Variants in MYPN observed in about 807,000 individuals in gnomAD.
MYPN encodes sarcomeric protein myopalladin, 145 kDa (MYOP).
In MYPN, 63 loss-of-function variants were observed where a neutral mutation model predicts 129.4. The observed-to-expected ratio is 0.49, with a 90% CI of 0.40 to 0.60. MYPN has a LOEUF of 0.60. Ranked by LOEUF, MYPN falls within the 20% of genes least tolerant of loss-of-function variation. The pLI, the probability that MYPN is intolerant of heterozygous loss-of-function variation, is 0.00. For missense variants in MYPN, 1,596 were observed against 1,635.4 expected (o/e 0.98, Z 0.42); for synonymous variants, 629 against 600.9 (o/e 1.05, Z -0.68).
chr10:68,121,355 C>T (rs1329560075), intron 1 of MYPN, 83 bp from the exon 2 acceptor site: 13 of 1,154,542 alleles, frequency 1.1e-5, no homozygotes, highest in East Asian at 2.4e-5. Context: ...TAATTTCTAA[C>T]GAGTCTGCAG....
At chr10:68,104,847 G>T (rs557902707), upstream of MYPN, among the ~76,000 whole-genome samples, 98 of 152,162 alleles carry the variant, frequency 6.4e-4, 1 homozygote, top group Middle Eastern at 3.4e-3. Context: ...GTAGGGGCGT[G>T]ATCTTGGCTC....
chr10:68,210,105 T>C (rs2043883948), intron 19 of MYPN, among the ~76,000 whole-genome samples, 181 bp from the exon 20 acceptor site: 1 of 152,214 alleles, frequency 6.6e-6, no homozygotes, highest in Non-Finnish European at 1.5e-5. Context: ...GTTTCCTTAT[T>C]CCTGGCAGGG....
At chr10:68,097,001 G>T (rs1201134145) in intron 1 of MYPN, among the ~76,000 whole-genome samples, 2 of 152,104 alleles carry the variant, frequency 1.3e-5, no homozygotes, top group African/African-American at 4.8e-5. Context: ...TACTTATTTG[G>T]CTAAAGAAGG....
chr10:68,199,293 A>G, intron 16 of MYPN, 75 bp from the exon 17 acceptor site: 2 of 1,429,292 alleles, frequency 1.4e-6, no homozygotes, highest in Non-Finnish European at 2.0e-6. Flanking sequence ...GTGCCAAGCA[A>G]GGATAAAGAA....
intron 6 of MYPN, among the ~76,000 whole-genome samples, chr10:68,152,410 G>A (rs1166284519): frequency 6.6e-6 from 1 of 152,000 alleles, no homozygotes; most frequent in Admixed American, 6.6e-5. Flanking sequence ...AGGGGAGGGT[G>A]CAGAGCGGGT....
At chr10:68,124,786 C>T (rs1336556714) in intron 2 of MYPN, among the ~76,000 whole-genome samples, 4 of 152,060 alleles carry the variant, frequency 2.6e-5, no homozygotes, top group South Asian at 2.1e-4. Flanking sequence ...GAAGTGAGAC[C>T]GTTGGCCTAA....
chr10:68,110,275 G>C (rs536784512), intron 1 of MYPN, among the ~76,000 whole-genome samples: 7 of 150,506 alleles, frequency 4.7e-5, no homozygotes, highest in African/African-American at 1.7e-4. Context: ...CTCTCTCTCC[G>C]TCTCTTTCTC....
At chr10:68,175,100 C>A (rs1222604578) in intron 11 of MYPN, among the ~76,000 whole-genome samples, 1 of 151,846 alleles carries the variant, frequency 6.6e-6, no homozygotes, top group Non-Finnish European at 1.5e-5. Flanking sequence ...CACACCACTG[C>A]ACTCCAGCCT....
rs1315524754 is a variant in MYPN, at chr10:68,211,754, GAA to G, written c.*1300_*1301del. 1 of 453,946 alleles carries G rather than the reference GAA, an allele frequency of 2.2e-6. No individual in the cohort carries two copies. The highest frequency in any genetic ancestry group is 2.0e-5 in the African/African-American group (1 of 49,964). The allele number at this position is 453,946 out of a possible 1,614,324, so 28.1% of individuals were successfully genotyped here. A position where few individuals can be genotyped will look rare whatever the true frequency, so the allele number is the denominator to read the frequency against. Reference sequence around the variant, plus strand: ...GATAACCTAATCTTATATTCTGCAGGAATATGCCACCCACACACCAGTCCAAA... The same window carrying G: ...GATAACCTAATCTTATATTCTGCAGGTATGCCACCCACACACCAGTCCAAA... On this transcript the variant is annotated 3_prime_UTR_variant, in exon 20 of 20. Coordinates refer to ENST00000358913, the MANE Select transcript of MYPN (RefSeq NM_032578.4).
intron 12 of MYPN, among the ~76,000 whole-genome samples, chr10:68,188,629 T>C (rs2043459834): frequency 6.6e-6 from 1 of 152,172 alleles, no homozygotes; most frequent in Non-Finnish European, 1.5e-5. Context: ...GAAAATTATA[T>C]TCCATCTACA....
At chr10:68,136,287 T>G (rs1374879907) in intron 2 of MYPN, 1 of 990,516 alleles carries the variant, frequency 1.0e-6, no homozygotes, top group Non-Finnish European at 1.2e-6. Context: ...TTTAACCATC[T>G]GGACCTGCCC....
At chr10:68,173,544 G>A (rs921191794) in intron 10 of MYPN, among the ~76,000 whole-genome samples, 1 of 151,860 alleles carries the variant, frequency 6.6e-6, no homozygotes, top group African/African-American at 2.4e-5. Flanking sequence ...TTGCCACTCT[G>A]GTTGTGTGTT....
chr10:68,174,780 A>G (rs1381494799), intron 11 of MYPN, 124 bp downstream of exon 11: 1 of 845,778 alleles, frequency 1.2e-6, no homozygotes, highest in Non-Finnish European at 1.9e-6. Context: ...TCTCTTAGGC[A>G]CAGAATGGAT....
chr10:68,130,857 A>AT (rs553869120), intron 2 of MYPN, among the ~76,000 whole-genome samples: 133 of 152,346 alleles, frequency 8.7e-4, no homozygotes, highest in African/African-American at 2.4e-3. Flanking sequence ...TGGATAGCCA[A>AT]TATTCTAGCA....
At chr10:68,180,708 C>T (rs1399734360) in intron 12 of MYPN, among the ~76,000 whole-genome samples, 1 of 152,164 alleles carries the variant, frequency 6.6e-6, no homozygotes, top group Non-Finnish European at 1.5e-5. Flanking sequence ...AGAAAGCCCG[C>T]GGTGAGCTCA....
chr10:68,182,856 C>T (rs187037380), intron 12 of MYPN, among the ~76,000 whole-genome samples: 148 of 152,170 alleles, frequency 9.7e-4, no homozygotes, highest in Non-Finnish European at 1.9e-3. Flanking sequence ...TTTTCATGAC[C>T]TCTCAACTTG....
chr10:68,182,406 C>CAT lies in MYPN; in HGVS notation c.2704-6491_2704-6490dup, dbSNP rs1324691351. ...ACACATATATAACATATATATAACA[C>CAT]ATATATATAACATATATATAACACA... On this transcript the variant is annotated intron_variant, in intron 12 of 19. Coordinates refer to ENST00000358913, the MANE Select transcript of MYPN (RefSeq NM_032578.4). Among the ~76,000 whole-genome samples, 61 of 82,730 alleles carry CAT rather than the reference C, an allele frequency of 7.4e-4. 2 individuals are homozygous for CAT. The highest frequency in any genetic ancestry group is 1.3e-3 in the African/African-American group (38 of 28,814). 54.3% of individuals were successfully genotyped at this position (82,730 alleles called of 152,430 possible).
chr10:68,199,723 A>G (rs2043678761), intron 17 of MYPN, 148 bp downstream of exon 17: 1 of 800,968 alleles, frequency 1.2e-6, no homozygotes, highest in Non-Finnish European at 2.1e-6. Flanking sequence ...GGTATTTCCC[A>G]CATCACTTTC....
At chr10:68,103,164 A>G (rs1564638013), upstream of MYPN, among the ~76,000 whole-genome samples, 3 of 152,252 alleles carry the variant, frequency 2.0e-5, no homozygotes, top group South Asian at 6.2e-4. Context: ...AATGCCAGAC[A>G]TATAGATTCA....
Sources: allele counts gnomAD v4.1 joint callset (sites outside exome capture counted in the v4.1 genomes callset), GRCh38; gene constraint gnomAD v4.1.1; transcripts MANE v1.5; gene names NCBI Gene and HGNC (gene_info 2026-07-23, HGNC 2026-07-21).